The following CRYBG1 variants were observed in gnomAD, a reference collection of about 807,000 sequenced individuals.
The protein encoded by CRYBG1 is crystallin beta-gamma domain containing 1.
CRYBG1 carries 139 observed loss-of-function variants against 189.2 expected under a neutral mutation model. That is an observed-to-expected ratio of 0.73 (90% confidence interval 0.64 to 0.85). The LOEUF (loss-of-function observed/expected upper bound fraction) is 0.85, where lower values mean the gene tolerates loss of function less well. Among genes scored for constraint, CRYBG1 ranks in the 40% least tolerant of loss-of-function variants. The pLI is 0.00. For missense variants in CRYBG1, 2,611 were observed against 2,675.8 expected, an observed-to-expected ratio of 0.98 and a Z score of 0.53; for synonymous variants, 1,023 against 1,017.1, an observed-to-expected ratio of 1.01 and a Z score of -0.11.
At chr6:106,453,133 C>T (rs1204299970) in intron 2 of CRYBG1, among the ~76,000 whole-genome samples, 2 of 152,106 alleles carry the variant, frequency 1.3e-5, no homozygotes, top group Middle Eastern at 3.2e-3. Flanking sequence ...TATTGATCTG[C>T]ATAGTTCTGT....
chr6:106,541,329 A>C (rs1440779981), intron 9 of CRYBG1: 5 of 630,058 alleles, frequency 7.9e-6, no homozygotes, highest in Non-Finnish European at 1.5e-5. Context: ...TCCAAGTTAA[A>C]AAAACTTGCT....
At chr6:106,419,593 AG>A (rs1488142817) in intron 1 of CRYBG1, among the ~76,000 whole-genome samples, 2 of 152,210 alleles carry the variant, frequency 1.3e-5, no homozygotes, top group Non-Finnish European at 2.9e-5. Context: ...TATGTTGCCT[AG>A]GCTGGTCTCA....
intron 2 of CRYBG1, among the ~76,000 whole-genome samples, chr6:106,484,958 C>T (rs9400015): frequency 0.12 from 18,443 of 151,984 alleles, 1,311 homozygotes; most frequent in East Asian, 0.27. Context: ...GCTACTGTAC[C>T]CCAGCCTGGG....
chr6:106,494,951 CCA>C (rs1772810334), intron 2 of CRYBG1, among the ~76,000 whole-genome samples: 1 of 152,056 alleles, frequency 6.6e-6, no homozygotes, highest in African/African-American at 2.4e-5. Flanking sequence ...ATCAAAGGTA[CCA>C]TATATCCTTC....
intron 1 of CRYBG1, among the ~76,000 whole-genome samples, chr6:106,389,063 C>G (rs1028911475): frequency 3.3e-5 from 5 of 152,176 alleles, no homozygotes; most frequent in African/African-American, 1.2e-4. Flanking sequence ...ATCCTCAGCT[C>G]AGTACTGAAG....
chr6:106,554,210 TTAA>T (rs1472730974), intron 16 of CRYBG1, among the ~76,000 whole-genome samples: 2 of 152,224 alleles, frequency 1.3e-5, no homozygotes, highest in East Asian at 1.9e-4. Context: ...TTTAAGTCTC[TTAA>T]TAATAGTAGT....
intron 2 of CRYBG1, among the ~76,000 whole-genome samples, chr6:106,453,027 G>A (rs9386545): frequency 0.27 from 41,396 of 152,076 alleles, 6,396 homozygotes; most frequent in South Asian, 0.38. Flanking sequence ...ATATATTAAC[G>A]GTTTAAAAAA....
chr6:106,446,486 C>T (rs1048744486), intron 1 of CRYBG1, among the ~76,000 whole-genome samples: 1 of 152,292 alleles, frequency 6.6e-6, no homozygotes, highest in African/African-American at 2.4e-5. Context: ...GGCAGTACAG[C>T]ATCAATTTAT....
chr6:106,473,703 T>G (rs1001738709), intron 2 of CRYBG1, among the ~76,000 whole-genome samples: 1 of 152,250 alleles, frequency 6.6e-6, no homozygotes, highest in Non-Finnish European at 1.5e-5. Flanking sequence ...GCAAGAATTT[T>G]AAATACGGTA....
intron 10 of CRYBG1, among the ~76,000 whole-genome samples, chr6:106,542,237 AT>A (rs61115774): frequency 0.55 from 76,342 of 139,932 alleles, 20,757 homozygotes; most frequent in East Asian, 0.69. Context: ...AAAAAGCCAG[AT>A]TTTTTTTTTT....
At chr6:106,463,089 G>T (rs1482210377) in intron 2 of CRYBG1, among the ~76,000 whole-genome samples, 1 of 152,228 alleles carries the variant, frequency 6.6e-6, no homozygotes, top group Non-Finnish European at 1.5e-5. Flanking sequence ...GAGAGTTCAA[G>T]GTTGCAGTCA....
chr6:106,537,206 T>C lies in CRYBG1; in HGVS notation c.4719-2197T>C, dbSNP rs1415013955. Among the ~76,000 whole-genome samples the C allele has an allele frequency of 2.0e-5, 3 of 152,300 alleles. No individual in the cohort carries two copies. In the South Asian group the frequency reaches 6.2e-4, roughly 32 times the overall value. On this transcript the variant is annotated intron_variant, in intron 8 of 21. Transcript: ENST00000633556. ...ATAAATCCCCTCTGAACTCAAGCTA[T>C]AGAAGGAAAGACTTAATGAAAAGGG...
chr6:106,511,814 C>T lies in CRYBG1; in HGVS notation c.697C>T (p.Pro233Ser). ...GCAGCAGTGCCATGAAAATGATTCA[C>T]CCCAATTAGAACCTCTGGAGGCAGA... The part of the protein sequence containing the change: ...AVQQCHENDS[P>S]QLEPLEAEGE... Residue 233 changes from proline (P) to serine (S), a missense_variant, in exon 3 of 22, where the codon CCC (proline) becomes TCC (serine). Physicochemically the swap from Pro to Ser is moderately conservative, Grantham distance 74. Around this residue, in one of 3 missense-constraint regions of CRYBG1, gnomAD observed 985 missense variants for 924.4 expected, o/e 1.07. Transcript: ENST00000633556. 1 of 1,524,186 alleles carries T rather than the reference C, an allele frequency of 6.6e-7. No homozygotes were observed. The highest frequency in any genetic ancestry group is 1.4e-5 in the African/African-American group (1 of 72,834). 94.4% of individuals were successfully genotyped at this position (1,524,186 alleles called of 1,614,324 possible).
intron 1 of CRYBG1, among the ~76,000 whole-genome samples, chr6:106,439,948 C>T (rs1400564112): frequency 1.3e-5 from 2 of 152,198 alleles, no homozygotes; most frequent in Admixed American, 6.5e-5. Flanking sequence ...AATGGTATTT[C>T]ATAATGTTGA....
intron 1 of CRYBG1, among the ~76,000 whole-genome samples, chr6:106,363,337 T>A (rs186221147): frequency 1.1e-3 from 172 of 152,230 alleles, no homozygotes; most frequent in Non-Finnish European, 2.0e-3. Context: ...ACACTTCATT[T>A]TTTCCTTCAG....
At chr6:106,369,381 G>T (rs1291783978) in intron 1 of CRYBG1, among the ~76,000 whole-genome samples, 1 of 152,340 alleles carries the variant, frequency 6.6e-6, no homozygotes, top group African/African-American at 2.4e-5. Context: ...GCTGCTGGTT[G>T]TGTTTATTGT....
intron 1 of CRYBG1, among the ~76,000 whole-genome samples, chr6:106,440,758 T>G (rs74637663): frequency 6.6e-6 from 1 of 152,356 alleles, no homozygotes; most frequent in East Asian, 1.9e-4. Context: ...AAAAGCTCTG[T>G]AAAGTCATGT....
chr6:106,518,509 CACTGTGCAT>C (rs1773492759), intron 3 of CRYBG1, among the ~76,000 whole-genome samples: 1 of 152,212 alleles, frequency 6.6e-6, no homozygotes, highest in African/African-American at 2.4e-5. Flanking sequence ...TAGTGCCAAG[CACTGTGCAT>C]ACATGCTACG....
At chr6:106,559,295 A>G (rs1012681974) in intron 18 of CRYBG1, among the ~76,000 whole-genome samples, 1 of 152,242 alleles carries the variant, frequency 6.6e-6, no homozygotes, top group African/African-American at 2.4e-5. Context: ...GATGTTATAC[A>G]AATGATTAAA....
Sources: allele counts gnomAD v4.1 joint callset (sites outside exome capture counted in the v4.1 genomes callset), GRCh38; gene constraint gnomAD v4.1.1; regional missense constraint gnomAD v4.1.1; transcripts MANE v1.5; gene names NCBI Gene and HGNC (gene_info 2026-07-23, HGNC 2026-07-21).